TEX15: variants seen among roughly 807,000 people sequenced by gnomAD.
The protein encoded by TEX15 is testis-expressed protein 15.
A neutral mutation model predicts 237.3 loss-of-function variants in TEX15; 171 were observed. The ratio of observed to expected loss-of-function variants is 0.72; its 90% CI spans 0.64 to 0.82. The LOEUF (loss-of-function observed/expected upper bound fraction) is 0.82. TEX15 is among the 40% of genes least tolerant of loss of function. The pLI, the probability that TEX15 is intolerant of heterozygous loss-of-function variation, is 0.00. For synonymous variants in TEX15, 1,338 were observed against 1,269.8 expected, an observed-to-expected ratio of 1.05 and a Z score of -1.14; for missense variants, 3,750 against 3,646.5, an observed-to-expected ratio of 1.03 and a Z score of -0.73.
intron 2 of TEX15, 116 bp from the exon 3 acceptor site, chr8:30,887,427 A>G (rs1808676883): frequency 1.0e-6 from 1 of 998,514 alleles, no homozygotes; most frequent in South Asian, 2.4e-5. Flanking sequence ...TTCTTAGTCA[A>G]CTGTCAGAAA....
At chr8:30,908,071 G>A (rs965520836) in intron 1 of TEX15, among the ~76,000 whole-genome samples, 1 of 152,008 alleles carries the variant, frequency 6.6e-6, no homozygotes, top group African/African-American at 2.4e-5. Flanking sequence ...CTATACGCAT[G>A]TGCCACCGCA....
rs530063044 is a variant in TEX15, at chr8:30,907,900, T to A, written c.-86+4979A>T. ...CTGCAGGAAACCGTGATCACATCAC[T>A]GCACTCCTGGGCAACAGAGTCAGAC... is the stretch of plus-strand genomic sequence containing the variant. On this transcript the variant is annotated intron_variant, in intron 1 of 10. Coordinates refer to ENST00000643185, the MANE Select transcript of TEX15 (RefSeq NM_001350162.2). 3.3e-5 allele frequency among the ~76,000 whole-genome samples: 5 copies of A among 151,516 alleles called. No homozygotes were observed. The South Asian group carries it at 1.0e-3, about 31-fold the overall frequency.
chr8:30,877,153 C>T (rs1027915032), intron 3 of TEX15, among the ~76,000 whole-genome samples: 1 of 152,162 alleles, frequency 6.6e-6, no homozygotes, highest in Non-Finnish European at 1.5e-5. Context: ...AGAGCTGAAA[C>T]AACAAGGCAG....
chr8:30,892,906 G>A (rs1366203994), intron 2 of TEX15, among the ~76,000 whole-genome samples: 6 of 151,858 alleles, frequency 4.0e-5, no homozygotes, highest in Non-Finnish European at 5.9e-5. Flanking sequence ...GGTTGCAGGC[G>A]CCTGTAGTCC....
chr8:30,907,245 G>C (rs1342751491), intron 1 of TEX15, among the ~76,000 whole-genome samples: 2 of 152,094 alleles, frequency 1.3e-5, no homozygotes, highest in Non-Finnish European at 2.9e-5. Flanking sequence ...AGCATCACAA[G>C]AGTCAAGTTC....
At chr8:30,906,230 C>T (rs775848579) in intron 1 of TEX15, among the ~76,000 whole-genome samples, 16 of 152,130 alleles carry the variant, frequency 1.1e-4, no homozygotes, top group Non-Finnish European at 2.1e-4. Flanking sequence ...TTCCTCCATT[C>T]TTCTTCAAAT....
In TEX15 at chr8:30,846,043, C is replaced by A. The variant is rs1807596035; in HGVS notation, c.4124G>T (p.Cys1375Phe). ...SDEASLCKSK[C>F]LSRKLDKAVV... ...TGCTTTGTCTAGTTTTCTGGAAAGA[C>A]ATTTGCTTTTACATAAAGATGCTTC... The change falls in exon 8 of 11, where the codon TGT becomes TTT. Residue 1375 changes from cysteine to phenylalanine, a missense_variant. By Grantham distance (205) the Cys-to-Phe change is radical. Transcript: ENST00000643185. The A allele has an allele frequency of 1.9e-6, 3 of 1,613,238 alleles. No homozygotes were observed. Among genetic ancestry groups the A allele is most frequent in the Non-Finnish European group, 1.7e-6 (2 of 1,179,546 alleles).
At chr8:30,855,542 G>A (rs553507822) in intron 7 of TEX15, among the ~76,000 whole-genome samples, 4 of 152,282 alleles carry the variant, frequency 2.6e-5, no homozygotes, top group African/African-American at 9.6e-5. Flanking sequence ...GCAGTTCCTT[G>A]ATTAGTTACT....
At chr8:30,912,322 GGGC>G (rs900564809) in intron 1 of TEX15, among the ~76,000 whole-genome samples, 5 of 54,598 alleles carry the variant, frequency 9.2e-5, no homozygotes, top group Non-Finnish European at 1.5e-4. Flanking sequence ...TGCGGTCCCG[GGGC>G]GGCGGGGCTC....
chr8:30,834,623 A>T (rs759623288), intron 10 of TEX15, among the ~76,000 whole-genome samples: 1 of 152,212 alleles, frequency 6.6e-6, no homozygotes, highest in Non-Finnish European at 1.5e-5. Flanking sequence ...TGAGAAAAGC[A>T]CACAAAAAGT....
chr8:30,838,169 T>C, intron 9 of TEX15, 108 bp from the exon 10 acceptor site: 1 of 1,029,288 alleles, frequency 9.7e-7, no homozygotes, highest in Non-Finnish European at 1.4e-6. Flanking sequence ...GTTCTTAAGC[T>C]TTACGTTTTC....
chr8:30,841,912 CT>C (rs2128767023), intron 8 of TEX15, 91 bp downstream of exon 8: 1 of 861,578 alleles, frequency 1.2e-6, no homozygotes, highest in African/African-American at 1.7e-5. Context: ...CCATTCTTAA[CT>C]TTTAGAATTC....
At position 30,851,546 on chromosome 8, in the gene TEX15, G is replaced by A. The variant is rs557105776; in HGVS notation, c.851-2230C>T. Among the ~76,000 whole-genome samples the A allele has an allele frequency of 6.6e-5, 10 of 151,936 alleles. No individual in the cohort carries two copies. The South Asian group carries it at 8.3e-4, about 13-fold the overall frequency. On this transcript the variant is annotated intron_variant, in intron 7 of 10. Coordinates refer to ENST00000643185, the MANE Select transcript of TEX15 (RefSeq NM_001350162.2). ...CTCGGGAGGCTGAGGCAGGAGAATC[G>A]CCTTGAACCCGTGAGGCGGAGGTTG...
At position 30,845,216 on chromosome 8, in the gene TEX15, T is replaced by C. The variant is rs771996396; in HGVS notation, c.4951A>G (p.Ile1651Val). ...GHTKAKTDVLISVLDSNVKHF... is the reference protein window; with the variant it reads ...GHTKAKTDVLVSVLDSNVKHF... ...TTCACATTTGAATCTAAGACTGATA[T>C]AAGTACGTCAGTTTTCGCCTTTGTG... Residue 1651 changes from isoleucine to valine, a missense_variant, in exon 8 of 11, where the codon ATA (isoleucine) becomes GTA (valine). Transcript: ENST00000643185. 24 of 1,613,426 alleles carry C rather than the reference T, an allele frequency of 1.5e-5. No homozygotes were observed. Among genetic ancestry groups the C allele is most frequent in the Admixed American group, 3.3e-5 (2 of 59,964 alleles).
chr8:30,884,184 T>C (rs1285239364), intron 3 of TEX15, among the ~76,000 whole-genome samples: 1 of 152,244 alleles, frequency 6.6e-6, no homozygotes, highest in African/African-American at 2.4e-5. Flanking sequence ...ATCTATTGTT[T>C]CTTGACTTTT....
chr8:30,837,082 C>G lies in TEX15; in HGVS notation c.9202G>C (p.Glu3068Gln), dbSNP rs1175763960. 1 of 1,614,188 alleles carries G rather than the reference C, an allele frequency of 6.2e-7. No homozygotes were observed. Among genetic ancestry groups the G allele is most frequent in the Non-Finnish European group, 8.5e-7 (1 of 1,180,040 alleles). The change falls in exon 10 of 11, where the codon GAA (glutamate) becomes CAA (glutamine). Residue 3068 changes from glutamate (E) to glutamine (Q), a missense_variant. Transcript: ENST00000643185. ...AGCCCAGAAGGAGATGGCTGTACTT[C>G]ATATGATGTTATCCCTTGGTATGTC... ...TQTYQGITSYEVQPSPSGLLT... is the reference protein window; with the variant it reads ...TQTYQGITSYQVQPSPSGLLT...
At chr8:30,907,068 GTT>G (rs1281760873) in intron 1 of TEX15, among the ~76,000 whole-genome samples, 15 of 152,152 alleles carry the variant, frequency 9.9e-5, no homozygotes, top group African/African-American at 3.6e-4. Flanking sequence ...AACTCAAAGA[GTT>G]TATAGACTTT....
chr8:30,895,674 TGC>T (rs147294942), intron 2 of TEX15, among the ~76,000 whole-genome samples: 3 of 136,386 alleles, frequency 2.2e-5, no homozygotes, highest in African/African-American at 9.0e-5. Flanking sequence ...TTTAAACACA[TGC>T]TTTTTTTTTT....
intron 1 of TEX15, among the ~76,000 whole-genome samples, chr8:30,907,455 A>G (rs749717312): frequency 8.1e-5 from 12 of 148,114 alleles, no homozygotes; most frequent in Non-Finnish European, 1.5e-4. Flanking sequence ...ATGTATATAT[A>G]AATTATATAC....
Sources: allele counts gnomAD v4.1 joint callset (sites outside exome capture counted in the v4.1 genomes callset), GRCh38; gene constraint gnomAD v4.1.1; transcripts MANE v1.5; gene names NCBI Gene and HGNC (gene_info 2026-07-23, HGNC 2026-07-21).